Variants in AAMDC observed in about 807,000 individuals in gnomAD.
The protein encoded by AAMDC is mth938 domain-containing protein.
Under a neutral mutation model 15.5 loss-of-function variants are expected in AAMDC, and 16 were observed. That is an observed-to-expected ratio of 1.03 (90% CI 0.70 to 1.57). The LOEUF (loss-of-function observed/expected upper bound fraction) is 1.57. Ranked by LOEUF, AAMDC falls within the 40% of genes most tolerant of loss-of-function variation. AAMDC has a pLI of 0.00. For missense variants in AAMDC, 141 were observed against 144.9 expected (o/e 0.97, Z 0.14); for synonymous variants, 51 against 51.6 (o/e 0.99, Z 0.05).
intron 1 of AAMDC, among the ~76,000 whole-genome samples, chr11:77,833,582 C>T (rs1299354371): frequency 1.3e-5 from 2 of 152,314 alleles, no homozygotes; most frequent in African/African-American, 2.4e-5. Flanking sequence ...CAGCCCAGTT[C>T]CTAACAGATC....
chr11:77,884,054 G>A, intron 5 of AAMDC: 6 of 1,198,666 alleles, frequency 5.0e-6, no homozygotes. Context: ...GAAGAAACAT[G>A]ACACCAACTT....
intron 2 of AAMDC, among the ~76,000 whole-genome samples, chr11:77,848,093 T>G (rs1950219228): frequency 6.6e-6 from 1 of 152,206 alleles, no homozygotes; most frequent in African/African-American, 2.4e-5. Flanking sequence ...TCCATAGACA[T>G]TCTCACAGAC....
intron 1 of AAMDC, among the ~76,000 whole-genome samples, chr11:77,823,259 A>G (rs1949014094): frequency 1.3e-5 from 2 of 151,920 alleles, no homozygotes; most frequent in South Asian, 4.2e-4. Context: ...ACTTCAGGAA[A>G]ATATCTTTAT....
At chr11:77,898,350 G>C (rs1952620996) in intron 5 of AAMDC, among the ~76,000 whole-genome samples, 1 of 152,114 alleles carries the variant, frequency 6.6e-6, no homozygotes, top group African/African-American at 2.4e-5. Context: ...TTTTAGTAGA[G>C]ATGGGGTTTC....
At chr11:77,824,213 C>T (rs1486855341) in intron 1 of AAMDC, among the ~76,000 whole-genome samples, 1 of 152,164 alleles carries the variant, frequency 6.6e-6, no homozygotes, top group Admixed American at 6.5e-5. Context: ...TTGTGGAATA[C>T]AGAGCTTAAC....
At chr11:77,828,626 G>A (rs542405515) in intron 1 of AAMDC, among the ~76,000 whole-genome samples, 1 of 148,122 alleles carries the variant, frequency 6.8e-6, no homozygotes, top group African/African-American at 2.5e-5. Context: ...AGCCAAGATC[G>A]CACCACTGCA....
At chr11:77,871,073 G>A (rs1951408708) in intron 3 of AAMDC, among the ~76,000 whole-genome samples, 1 of 152,030 alleles carries the variant, frequency 6.6e-6, no homozygotes, top group Non-Finnish European at 1.5e-5. Flanking sequence ...CTGAAGTGCT[G>A]GGATTAAAGG....
chr11:77,821,874 G>A (rs1001005006), intron 1 of AAMDC, among the ~76,000 whole-genome samples: 1 of 152,216 alleles, frequency 6.6e-6, no homozygotes, highest in East Asian at 1.9e-4. Context: ...TCCTAGCGGG[G>A]CTACTTCATG....
intron 5 of AAMDC, among the ~76,000 whole-genome samples, chr11:77,899,213 C>T (rs1349192835): frequency 1.3e-5 from 2 of 151,940 alleles, no homozygotes; most frequent in Non-Finnish European, 2.9e-5. Flanking sequence ...AGATGTGAAC[C>T]CAAGCAATGT....
intron 1 of AAMDC, among the ~76,000 whole-genome samples, chr11:77,826,058 G>A (rs1017722338): frequency 1.3e-5 from 2 of 152,062 alleles, no homozygotes; most frequent in East Asian, 1.9e-4. Flanking sequence ...TGGTTTCTCC[G>A]ATGGAGTAAA....
At chr11:77,884,040 A>G in intron 5 of AAMDC, 1 of 1,338,194 alleles carries the variant, frequency 7.5e-7, no homozygotes, top group Non-Finnish European at 1.0e-6. Flanking sequence ...ACCTCAAAAC[A>G]CAAGAAGAAA....
chr11:77,868,695 G>C (rs115270704), intron 2 of AAMDC: 2,792 of 192,728 alleles, frequency 0.014, 87 homozygotes, highest in African/African-American at 0.064. Context: ...TGTTGTTGTT[G>C]TTGTTTTTTA....
intron 3 of AAMDC, among the ~76,000 whole-genome samples, chr11:77,871,145 T>C (rs545026916): frequency 6.6e-6 from 1 of 152,322 alleles, no homozygotes; most frequent in South Asian, 2.1e-4. Context: ...GTTTTCCCCA[T>C]TACAATAATT....
At chr11:77,849,903 C>G (rs1590948654) in intron 2 of AAMDC, among the ~76,000 whole-genome samples, 1 of 152,088 alleles carries the variant, frequency 6.6e-6, no homozygotes. Context: ...ATGCTTACTC[C>G]CTTCCCTTAT....
chr11:77,878,878 G>T, intron 5 of AAMDC: 1 of 1,109,774 alleles, frequency 9.0e-7, no homozygotes. Context: ...CAGGTGAAGT[G>T]CTTCAGGCTT....
chr11:77,889,002 T>G (rs1373234241), intron 5 of AAMDC, among the ~76,000 whole-genome samples: 3 of 152,226 alleles, frequency 2.0e-5, no homozygotes, highest in Non-Finnish European at 2.9e-5. Flanking sequence ...TCAACCATTG[T>G]GGATGTCAGT....
intron 5 of AAMDC, chr11:77,891,397 G>C: frequency 6.2e-7 from 1 of 1,613,046 alleles, no homozygotes; most frequent in Non-Finnish European, 8.5e-7. Context: ...CCAACCCAGA[G>C]GTAAACCGCA....
At chr11:77,850,397 A>G (rs1404625709) in intron 2 of AAMDC, among the ~76,000 whole-genome samples, 2 of 152,202 alleles carry the variant, frequency 1.3e-5, no homozygotes, top group Admixed American at 6.5e-5. Flanking sequence ...TCTAAAGCCC[A>G]TACTTTCCTT....
chr11:77,825,911 C>G (rs1240678249), intron 1 of AAMDC, among the ~76,000 whole-genome samples: 1 of 151,952 alleles, frequency 6.6e-6, no homozygotes, highest in East Asian at 1.9e-4. Context: ...AGGCTGGTCT[C>G]AAACTCCTGA....
Sources: gnomAD v4.1 joint callset for allele counts (sites outside exome capture counted in the v4.1 genomes callset) on GRCh38, gnomAD v4.1.1 for gene constraint, MANE v1.5 for transcripts, NCBI Gene and HGNC (gene_info 2026-07-23, HGNC 2026-07-21) for gene names.